The following FAR2 variants were observed in gnomAD, a reference collection of about 807,000 sequenced individuals.
FAR2 encodes the protein fatty acyl-CoA reductase 2.
Under a neutral mutation model 56.0 loss-of-function variants are expected in FAR2, and 19 were observed. The ratio of observed to expected loss-of-function variants is 0.34; its 90% confidence interval spans 0.24 to 0.50. The LOEUF is 0.50. Among genes scored for constraint, FAR2 ranks in the 20% least tolerant of loss-of-function variants. The pLI, the probability that FAR2 is intolerant of heterozygous loss-of-function variation, is 0.98. For synonymous variants in FAR2, 219 were observed against 218.8 expected (o/e 1.00, Z -0.01); for missense variants, 508 against 642.2 (o/e 0.79, Z 2.26).
At chr12:29,280,176 C>T (rs1432333307) in intron 2 of FAR2, among the ~76,000 whole-genome samples, 8 of 152,164 alleles carry the variant, frequency 5.3e-5, no homozygotes, top group South Asian at 4.1e-4. Flanking sequence ...CTGCCTGCCT[C>T]GGCCTCCCAA....
intron 1 of FAR2, among the ~76,000 whole-genome samples, chr12:29,245,424 T>C (rs1948111921): frequency 6.6e-6 from 1 of 152,226 alleles, no homozygotes; most frequent in African/African-American, 2.4e-5. Flanking sequence ...ATCTGCTTTA[T>C]TTATGTGTCA....
intron 1 of FAR2, among the ~76,000 whole-genome samples, chr12:29,191,908 T>C (rs919830034): frequency 3.3e-5 from 5 of 152,224 alleles, no homozygotes; most frequent in African/African-American, 1.2e-4. Context: ...AATTGTCTTG[T>C]AACAATGCTT....
intron 1 of FAR2, among the ~76,000 whole-genome samples, chr12:29,173,212 C>A (rs1443232269): frequency 1.3e-5 from 2 of 152,150 alleles, no homozygotes; most frequent in Non-Finnish European, 2.9e-5. Context: ...GGGACGTGTA[C>A]CCGGGTTGGG....
At chr12:29,162,631 A>G (rs1043843770) in intron 1 of FAR2, among the ~76,000 whole-genome samples, 1 of 152,214 alleles carries the variant, frequency 6.6e-6, no homozygotes, top group African/African-American at 2.4e-5. Flanking sequence ...TCCTAGACAT[A>G]AGGGTTATTG....
chr12:29,161,525 G>A (rs1178765880), intron 1 of FAR2, among the ~76,000 whole-genome samples: 1 of 152,172 alleles, frequency 6.6e-6, no homozygotes, highest in Non-Finnish European at 1.5e-5. Context: ...CTGTGAATAT[G>A]CCATACTTTA....
In FAR2 at chr12:29,150,984, G is replaced by A. The variant is rs1199868560; in HGVS notation, c.-39+1577G>A. Among the ~76,000 whole-genome samples, 4 of 152,202 alleles carry A rather than the reference G, an allele frequency of 2.6e-5. No homozygotes were observed. The East Asian group carries it at 7.7e-4, about 29-fold the overall frequency. On this transcript the variant is annotated intron_variant, in intron 1 of 11. Transcript: ENST00000536681. Reference sequence around the variant, plus strand: ...ACATCCAGTTACAGAGGAAGAGGGAGAGGTTGAAAATAAATAAAATGGCTT... The same window carrying A: ...ACATCCAGTTACAGAGGAAGAGGGAAAGGTTGAAAATAAATAAAATGGCTT...
chr12:29,220,905 G>GT (rs1947680106), intron 1 of FAR2, among the ~76,000 whole-genome samples: 1 of 152,124 alleles, frequency 6.6e-6, no homozygotes, highest in South Asian at 2.1e-4. Context: ...TCGACTTAGG[G>GT]TTTTATATGT....
At chr12:29,264,411 CACA>C (rs1234107708) in intron 1 of FAR2, among the ~76,000 whole-genome samples, 1 of 152,018 alleles carries the variant, frequency 6.6e-6, no homozygotes, top group Non-Finnish European at 1.5e-5. Context: ...AGATCTGGAA[CACA>C]ACAAGGATGA....
At chr12:29,187,347 A>G (rs1466457061) in intron 1 of FAR2, among the ~76,000 whole-genome samples, 1 of 152,008 alleles carries the variant, frequency 6.6e-6, no homozygotes, top group Admixed American at 6.6e-5. Flanking sequence ...GTATTATATA[A>G]TTATTTTTCA....
Position 29,316,934 on chromosome 12 carries a change from A to G in FAR2, c.1049A>G (p.Gln350Arg). 6.2e-7 allele frequency: 1 copy of G among 1,614,064 alleles called. No homozygotes were observed. Residue 350 changes from glutamine to arginine, a missense_variant, in exon 9 of 12, where the codon CAG (glutamine) becomes CGG (arginine). By Grantham distance (43) the Gln-to-Arg change is conservative. Transcript: ENST00000536681. The stretch of plus-strand genomic sequence containing the variant: ...TTTACCAGCAACAGCTTCACATCAC[A>G]GTACTGGAATGCGGTCAGCCACCGG... Reference protein sequence around the residue: ...ANFTSNSFTSQYWNAVSHRAP... With the variant: ...ANFTSNSFTSRYWNAVSHRAP...
chr12:29,252,993 G>A (rs920438340), intron 1 of FAR2, among the ~76,000 whole-genome samples: 11 of 152,010 alleles, frequency 7.2e-5, no homozygotes, highest in Non-Finnish European at 1.0e-4. Flanking sequence ...GTTGAAAGCC[G>A]TATGGAACAA....
chr12:29,188,416 C>CT (rs1451147514), intron 1 of FAR2, among the ~76,000 whole-genome samples: 9 of 152,150 alleles, frequency 5.9e-5, no homozygotes, highest in Non-Finnish European at 8.8e-5. Context: ...TAAAAGCAGC[C>CT]TTTTTTTAAA....
chr12:29,218,361 A>T, intron 1 of FAR2, among the ~76,000 whole-genome samples: 1 of 151,616 alleles, frequency 6.6e-6, no homozygotes, highest in South Asian at 2.1e-4. Context: ...TCCGTCTCAA[A>T]AAAAAAAAAG....
rs1456494412 is a variant in FAR2, at chr12:29,270,496, C to T, written c.47C>T (p.Thr16Met). The change falls in exon 2 of 12, where the codon ACG becomes ATG. Residue 16 changes from threonine (T) to methionine (M), a missense_variant. Coordinates refer to ENST00000536681, the MANE Select transcript of FAR2 (RefSeq NM_001271783.2). ...AFYGGKSILI[T>M]GATGFLGKVL... ...TATGGCGGCAAGTCCATTCTCATCACGGGGGCCACAGGCTTTCTGGGCAAA... is the reference window on the plus strand; with the variant it reads ...TATGGCGGCAAGTCCATTCTCATCATGGGGGCCACAGGCTTTCTGGGCAAA... The T allele has an allele frequency of 6.2e-6, 10 of 1,610,662 alleles. No homozygotes were observed. Among genetic ancestry groups the T allele is most frequent in the Admixed American group, 1.7e-5 (1 of 59,944 alleles).
intron 1 of FAR2, among the ~76,000 whole-genome samples, chr12:29,226,136 C>T (rs925883618): frequency 6.6e-6 from 1 of 152,196 alleles, no homozygotes; most frequent in Non-Finnish European, 1.5e-5. Context: ...GGGACATTGT[C>T]TGCAACATAG....
At chr12:29,232,771 A>G (rs78475967) in intron 1 of FAR2, among the ~76,000 whole-genome samples, 2,126 of 151,804 alleles carry the variant, frequency 0.014, 56 homozygotes, top group African/African-American at 0.048. Flanking sequence ...ATCCTGCCAC[A>G]CTGATTCAGG....
chr12:29,221,688 G>C (rs1358832171), intron 1 of FAR2, among the ~76,000 whole-genome samples: 1 of 151,978 alleles, frequency 6.6e-6, no homozygotes, highest in Non-Finnish European at 1.5e-5. Context: ...CCTGCAGCCA[G>C]GCATGATGCT....
intron 10 of FAR2, among the ~76,000 whole-genome samples, chr12:29,325,591 G>T (rs1006148955): frequency 2.0e-5 from 3 of 152,134 alleles, no homozygotes; most frequent in Non-Finnish European, 4.4e-5. Flanking sequence ...TCAGGATTAG[G>T]AAACTCACTC....
Position 29,321,912 on chromosome 12 carries a change from T to G in FAR2, c.1245T>G (p.Pro415=). ...AAATGCTGATGTCTGAGCTGAGTCC[T>G]GAAGACCAGAGAGTAAGTAGAGCAC... ...NTEMLMSELS[P]EDQRVFNFDV... is the part of the protein sequence containing the mutation. Residue 415 remains proline, a synonymous_variant, in exon 10 of 12, where the codon CCT becomes CCG. Coordinates refer to ENST00000536681, the MANE Select transcript of FAR2 (RefSeq NM_001271783.2). 3 of 1,612,828 alleles carry G rather than the reference T, an allele frequency of 1.9e-6. No individual in the cohort carries two copies. Among genetic ancestry groups the G allele is most frequent in the Non-Finnish European group, 2.5e-6 (3 of 1,179,264 alleles).
Sources: allele counts gnomAD v4.1 joint callset (sites outside exome capture counted in the v4.1 genomes callset), GRCh38; gene constraint gnomAD v4.1.1; transcripts MANE v1.5; gene names NCBI Gene and HGNC (gene_info 2026-07-23, HGNC 2026-07-21).